The following ACYP2 variants were observed in gnomAD, a reference collection of about 807,000 sequenced individuals.
ACYP2 encodes acylphosphatase 2.
In ACYP2, 12 loss-of-function variants were observed where a neutral mutation model predicts 11.2. That is an observed-to-expected ratio of 1.08 (90% CI 0.69 to 1.74). ACYP2 has a LOEUF of 1.74. Among genes scored for constraint, ACYP2 ranks in the 40% most tolerant of loss-of-function variants. ACYP2 has a pLI of 0.00. For synonymous variants in ACYP2, 43 were observed against 32.2 expected (o/e 1.33, Z -1.13); for missense variants, 134 against 101.9 (o/e 1.31, Z -1.35).
At chr2:54,129,309 T>C (rs1465328870) in intron 4 of ACYP2, among the ~76,000 whole-genome samples, 6 of 152,184 alleles carry the variant, frequency 3.9e-5, no homozygotes, top group African/African-American at 1.4e-4. Context: ...ATTTTTATTT[T>C]TCTTTCAGAA....
chr2:54,266,924 T>C (rs1688057286), intron 6 of ACYP2, among the ~76,000 whole-genome samples: 1 of 152,074 alleles, frequency 6.6e-6, no homozygotes, highest in Non-Finnish European at 1.5e-5. Flanking sequence ...GCAGAAATGT[T>C]AATTTGCAGA....
Position 54,029,476 on chromosome 2 carries a change from T to C in ACYP2, c.63-21482T>C, listed in dbSNP as rs1210084681. On this transcript the variant is annotated intron_variant, in intron 2 of 6. Coordinates refer to ENST00000607452, the MANE Select transcript of ACYP2 (RefSeq NM_001320586.2). ...ATGTACACACACATATATGTGTATA[T>C]ATGTATTATGCATGAATTCATAGGG... 4 of 352,566 alleles carry C rather than the reference T, an allele frequency of 1.1e-5. No individual in the cohort carries two copies. The East Asian group carries it at 2.8e-4, about 24-fold the overall frequency. The allele number at this position is 352,566 out of a possible 1,614,324, so 21.8% of individuals were successfully genotyped here. A position where few individuals can be genotyped will look rare whatever the true frequency, so the allele number is the denominator to read the frequency against.
intron 4 of ACYP2, among the ~76,000 whole-genome samples, chr2:54,120,002 G>A (rs1680050995): frequency 6.6e-6 from 1 of 152,166 alleles, no homozygotes; most frequent in Non-Finnish European, 1.5e-5. Flanking sequence ...GATAAGACTG[G>A]GATAATGGGG....
At chr2:54,100,044 A>G (rs1678810533) in intron 4 of ACYP2, among the ~76,000 whole-genome samples, 1 of 151,956 alleles carries the variant, frequency 6.6e-6, no homozygotes, top group South Asian at 2.1e-4. Context: ...CTTCTCTTTT[A>G]CTTCTGTTAA....
intron 6 of ACYP2, among the ~76,000 whole-genome samples, chr2:54,273,275 C>T (rs1317896105): frequency 6.6e-6 from 1 of 152,222 alleles, no homozygotes; most frequent in East Asian, 1.9e-4. Flanking sequence ...GTAATTTAAA[C>T]ATACAAAGTT....
chr2:54,116,224 A>G (rs1019146580), intron 4 of ACYP2, among the ~76,000 whole-genome samples: 7 of 152,196 alleles, frequency 4.6e-5, no homozygotes, highest in African/African-American at 1.7e-4. Context: ...TCTTAAAAGA[A>G]TGAAATTGTT....
chr2:54,158,335 C>T (rs1380394591), intron 6 of ACYP2, among the ~76,000 whole-genome samples: 1 of 151,758 alleles, frequency 6.6e-6, no homozygotes, highest in Non-Finnish European at 1.5e-5. Context: ...AGCCACCGTG[C>T]CCGGCCTGCT....
chr2:54,212,835 A>G (rs1458371018), intron 6 of ACYP2, among the ~76,000 whole-genome samples: 1 of 152,198 alleles, frequency 6.6e-6, no homozygotes, highest in Non-Finnish European at 1.5e-5. Flanking sequence ...TTTAATGTAA[A>G]GAAGTAAATT....
At chr2:54,025,587 C>A (rs866387275) in intron 2 of ACYP2, among the ~76,000 whole-genome samples, 1 of 152,156 alleles carries the variant, frequency 6.6e-6, no homozygotes, top group Non-Finnish European at 1.5e-5. Context: ...CAAGATGGAT[C>A]AAAGACTTGA....
At chr2:54,269,737 T>A (rs1429931829) in intron 6 of ACYP2, among the ~76,000 whole-genome samples, 1 of 152,234 alleles carries the variant, frequency 6.6e-6, no homozygotes, top group African/African-American at 2.4e-5. Flanking sequence ...AAATCAGTAA[T>A]AATGTTCAAT....
At chr2:54,204,316 T>C (rs1684985611) in intron 6 of ACYP2, among the ~76,000 whole-genome samples, 1 of 146,464 alleles carries the variant, frequency 6.8e-6, no homozygotes, top group Non-Finnish European at 1.5e-5. Context: ...TTTTTTATGA[T>C]TTTTTTTTTC....
intron 4 of ACYP2, among the ~76,000 whole-genome samples, chr2:54,082,053 C>T (rs534157646): frequency 6.6e-6 from 1 of 152,324 alleles, no homozygotes; most frequent in Non-Finnish European, 1.5e-5. Flanking sequence ...TTACAAACCC[C>T]CTGTCCTGCC....
chr2:54,263,123 G>A (rs1204520619), intron 6 of ACYP2, among the ~76,000 whole-genome samples: 4 of 152,138 alleles, frequency 2.6e-5, no homozygotes, highest in Non-Finnish European at 5.9e-5. Flanking sequence ...AAGTGTAATT[G>A]GTTCAGCAGG....
intron 5 of ACYP2, among the ~76,000 whole-genome samples, chr2:54,137,244 G>C (rs985593841): frequency 4.6e-5 from 7 of 151,894 alleles, no homozygotes; most frequent in Non-Finnish European, 8.8e-5. Flanking sequence ...GCATGTTTAT[G>C]TTAGTGTTCT....
At position 54,138,650 on chromosome 2, in the gene ACYP2, T is replaced by C; in HGVS notation, c.306T>C (p.Asp102=). ...TTTTCCTGAAACAGTATACAGAAGA[T>C]GAAGCTAGGAAAATAGGAGTGGTTG... The change falls in exon 6 of 7, where the codon GAT becomes GAC. Residue 102 remains aspartate (D), a synonymous_variant. Transcript: ENST00000607452. 6.2e-7 allele frequency: 1 copy of C among 1,613,822 alleles called. No individual in the cohort carries two copies. Among genetic ancestry groups the C allele is most frequent in the East Asian group, 2.2e-5 (1 of 44,876 alleles).
At chr2:54,027,307 T>A (rs772127070) in intron 2 of ACYP2, among the ~76,000 whole-genome samples, 1 of 152,152 alleles carries the variant, frequency 6.6e-6, no homozygotes, top group Non-Finnish European at 1.5e-5. Flanking sequence ...CCATAAAAAC[T>A]TGGAGGGTCA....
intron 4 of ACYP2, among the ~76,000 whole-genome samples, chr2:54,096,825 A>AAGAGAG (rs901016115): frequency 3.3e-5 from 5 of 151,678 alleles, no homozygotes; most frequent in African/African-American, 9.7e-5. Context: ...AGACCGTGGA[A>AAGAGAG]AGAGAGGGAG....
chr2:54,164,605 G>A (rs2103836297), intron 6 of ACYP2, among the ~76,000 whole-genome samples: 1 of 152,306 alleles, frequency 6.6e-6, no homozygotes, highest in East Asian at 1.9e-4. Flanking sequence ...GAGAAGTTAA[G>A]AAAAATTAAT....
intron 2 of ACYP2, among the ~76,000 whole-genome samples, chr2:54,022,069 T>C (rs1318707356): frequency 4.6e-5 from 7 of 152,200 alleles, no homozygotes; most frequent in African/African-American, 7.2e-5. Context: ...CTGAAAATTT[T>C]CAAATCTATA....
Sources: allele counts gnomAD v4.1 joint callset (sites outside exome capture counted in the v4.1 genomes callset), GRCh38; gene constraint gnomAD v4.1.1; transcripts MANE v1.5; gene names NCBI Gene and HGNC (gene_info 2026-07-23, HGNC 2026-07-21).